The following STX8 variants were observed in gnomAD, a reference collection of about 807,000 sequenced individuals.
STX8 encodes the protein syntaxin-8.
STX8 carries 23 observed loss-of-function variants against 37.5 expected under a neutral mutation model. The observed-to-expected ratio is 0.61, with a 90% CI of 0.44 to 0.87. The LOEUF (loss-of-function observed/expected upper bound fraction) is 0.87, where lower values mean the gene tolerates loss of function less well. Ranked by LOEUF, STX8 falls within the 40% of genes least tolerant of loss-of-function variation. STX8 has a pLI of 0.00. For synonymous variants in STX8, 115 were observed against 99.1 expected (o/e 1.16, Z -0.95); for missense variants, 313 against 284.7 (o/e 1.10, Z -0.71).
chr17:9,306,595 C>CAAAAAAAAAAAAA (rs71135963), intron 7 of STX8, among the ~76,000 whole-genome samples: 3 of 69,892 alleles, frequency 4.3e-5, no homozygotes, highest in African/African-American at 4.6e-5. Context: ...ACTAAAAATA[C>CAAAAAAAAAAAAA]AAAAAAAAAA....
intron 6 of STX8, among the ~76,000 whole-genome samples, chr17:9,435,878 A>C (rs965481702): frequency 6.6e-6 from 1 of 152,156 alleles, no homozygotes; most frequent in Non-Finnish European, 1.5e-5. Context: ...CCTAATAATA[A>C]TTTTTGTCAA....
At chr17:9,428,502 A>T (rs1217876508) in intron 6 of STX8, among the ~76,000 whole-genome samples, 2 of 152,188 alleles carry the variant, frequency 1.3e-5, no homozygotes, top group Non-Finnish European at 2.9e-5. Context: ...GGCCTCCCAA[A>T]GTGCTGGGAT....
intron 3 of STX8, among the ~76,000 whole-genome samples, chr17:9,556,068 G>C (rs1597741025): frequency 6.6e-6 from 1 of 152,156 alleles, no homozygotes; most frequent in South Asian, 2.1e-4. Flanking sequence ...AAATAAGGCT[G>C]TAATTGTTTG....
intron 4 of STX8, among the ~76,000 whole-genome samples, chr17:9,531,426 G>GA (rs1420343144): frequency 6.6e-6 from 1 of 152,172 alleles, no homozygotes; most frequent in African/African-American, 2.4e-5. Flanking sequence ...ACAAGGCACA[G>GA]AGACTGAAGA....
At chr17:9,308,258 C>T (rs1014028704) in intron 7 of STX8, among the ~76,000 whole-genome samples, 3 of 152,180 alleles carry the variant, frequency 2.0e-5, no homozygotes, top group South Asian at 4.1e-4. Flanking sequence ...TCCTTCCTCC[C>T]GGGGATAGGG....
intron 7 of STX8, among the ~76,000 whole-genome samples, chr17:9,309,106 A>G (rs913034290): frequency 6.6e-6 from 1 of 152,132 alleles, no homozygotes; most frequent in Non-Finnish European, 1.5e-5. Context: ...GATCCTTTGA[A>G]AAAAAGAAAA....
intron 6 of STX8, among the ~76,000 whole-genome samples, chr17:9,397,374 T>C (rs1265036811): frequency 6.6e-6 from 1 of 151,628 alleles, no homozygotes; most frequent in Non-Finnish European, 1.5e-5. Context: ...CCAGCCTGGG[T>C]GACAAGAGCA....
In STX8 at chr17:9,545,214, A is replaced by G; in HGVS notation, c.281T>C (p.Leu94Pro). 6.2e-7 allele frequency: 1 copy of G among 1,614,178 alleles called. No homozygotes were observed. The highest frequency in any genetic ancestry group is 8.5e-7 in the Non-Finnish European group (1 of 1,180,016). The stretch of plus-strand genomic sequence containing the variant: ...GGCACCCTCATTCTTAAAGGATGCC[A>G]GAAGTAGTCTCTCTCGAGTTACAAG... The part of the protein sequence containing the change: ...DDLVTRERLL[L>P]ASFKNEGAEP... The change falls in exon 4 of 8, where the codon CTG (leucine) becomes CCG (proline). Residue 94 changes from leucine to proline, a missense_variant. Transcript: ENST00000306357.
At chr17:9,506,884 G>A (rs113258616) in intron 4 of STX8, among the ~76,000 whole-genome samples, 6,963 of 151,934 alleles carry the variant, frequency 0.046, 579 homozygotes, top group African/African-American at 0.16. Flanking sequence ...TCCTCTTGGG[G>A]CCAGTAGCCA....
chr17:9,563,529 A>T (rs1215193145), intron 2 of STX8, among the ~76,000 whole-genome samples: 1 of 152,256 alleles, frequency 6.6e-6, no homozygotes, highest in East Asian at 1.9e-4. Context: ...ACACACAGAC[A>T]CACAGAGACA....
intron 6 of STX8, among the ~76,000 whole-genome samples, chr17:9,479,786 A>C (rs938259297): frequency 6.6e-6 from 1 of 151,846 alleles, no homozygotes; most frequent in Non-Finnish European, 1.5e-5. Context: ...TCACACCGAC[A>C]CCACAAGCCC....
At chr17:9,252,897 T>C (rs1335274805) in intron 7 of STX8, among the ~76,000 whole-genome samples, 1 of 149,222 alleles carries the variant, frequency 6.7e-6, no homozygotes, top group Non-Finnish European at 1.5e-5. Context: ...TTTATATTTG[T>C]AGAGGGTTGT....
At chr17:9,387,870 T>C (rs1241190990) in intron 6 of STX8, among the ~76,000 whole-genome samples, 1 of 152,222 alleles carries the variant, frequency 6.6e-6, no homozygotes, top group Non-Finnish European at 1.5e-5. Flanking sequence ...ACTGGGTTTC[T>C]AGATAGATTT....
intron 7 of STX8, among the ~76,000 whole-genome samples, chr17:9,267,148 C>T (rs1387516301): frequency 1.3e-5 from 2 of 152,192 alleles, no homozygotes. Flanking sequence ...AGAGCTGAAA[C>T]ACCATGGGCT....
At chr17:9,301,635 A>C (rs903902454) in intron 7 of STX8, among the ~76,000 whole-genome samples, 1 of 148,608 alleles carries the variant, frequency 6.7e-6, no homozygotes, top group Non-Finnish European at 1.5e-5. Context: ...GGCGCCTGCC[A>C]CTATGTCCGG....
chr17:9,328,609 T>C (rs1909855083), intron 7 of STX8, among the ~76,000 whole-genome samples: 1 of 152,174 alleles, frequency 6.6e-6, no homozygotes, highest in South Asian at 2.1e-4. Flanking sequence ...GTTGGCCAGC[T>C]CCCAGTTGTA....
intron 7 of STX8, among the ~76,000 whole-genome samples, chr17:9,252,336 T>C (rs2142115556): frequency 1.3e-5 from 2 of 151,922 alleles, no homozygotes; most frequent in Middle Eastern, 3.4e-3. Flanking sequence ...CCCACCTACT[T>C]GGGAGGCTGA....
At chr17:9,321,571 G>A (rs1909579358) in intron 7 of STX8, among the ~76,000 whole-genome samples, 1 of 151,952 alleles carries the variant, frequency 6.6e-6, no homozygotes, top group African/African-American at 2.4e-5. Flanking sequence ...CCAGGCTGGA[G>A]TACACTGGCG....
At chr17:9,319,475 T>A (rs924917953) in intron 7 of STX8, among the ~76,000 whole-genome samples, 2 of 151,936 alleles carry the variant, frequency 1.3e-5, no homozygotes, top group African/African-American at 4.8e-5. Context: ...AAAACTGCAT[T>A]ATCGATACCT....
Sources: allele counts gnomAD v4.1 joint callset (sites outside exome capture counted in the v4.1 genomes callset), GRCh38; gene constraint gnomAD v4.1.1; transcripts MANE v1.5; gene names NCBI Gene and HGNC (gene_info 2026-07-23, HGNC 2026-07-21).